The following AGBL1 variants were observed in gnomAD, a reference collection of about 807,000 sequenced individuals.
The protein encoded by AGBL1 is cytosolic carboxypeptidase 4.
Under a neutral mutation model 118.9 loss-of-function variants are expected in AGBL1, and 130 were observed. The observed-to-expected ratio is 1.09, with a 90% CI of 0.95 to 1.26. AGBL1 has a LOEUF of 1.26. Among genes scored for constraint, AGBL1 ranks in the 50% most tolerant of loss-of-function variants. The pLI is 0.00. For missense variants in AGBL1, 1,584 were observed against 1,298.1 expected, an observed-to-expected ratio of 1.22 and a Z score of -3.38; for synonymous variants, 555 against 478.9, an observed-to-expected ratio of 1.16 and a Z score of -2.08.
chr15:86,143,677 C>G (rs772215486), intron 2 of AGBL1, 22 bp from the exon 3 acceptor site: 10 of 1,611,194 alleles, frequency 6.2e-6, no homozygotes, highest in Non-Finnish European at 7.6e-6. Flanking sequence ...TGTGGCTCAT[C>G]TTTCCTCCGG....
chr15:86,978,645 G>C (rs1389041363), intron 23 of AGBL1, among the ~76,000 whole-genome samples: 1 of 152,162 alleles, frequency 6.6e-6, no homozygotes, highest in Admixed American at 6.5e-5. Context: ...TGAACATGTG[G>C]TTACTGAAGC....
At chr15:86,979,782 C>T (rs886734540) in intron 23 of AGBL1, among the ~76,000 whole-genome samples, 4 of 152,126 alleles carry the variant, frequency 2.6e-5, no homozygotes, top group Admixed American at 2.0e-4. Context: ...GGATTACAGG[C>T]GTGAGCCACT....
At chr15:86,449,812 T>A (rs1226746078) in intron 18 of AGBL1, among the ~76,000 whole-genome samples, 1 of 152,150 alleles carries the variant, frequency 6.6e-6, no homozygotes, top group Non-Finnish European at 1.5e-5. Flanking sequence ...GTGGAGTGAC[T>A]GAGGAACGGC....
chr15:86,134,226 T>C (rs760734906), intron 1 of AGBL1, among the ~76,000 whole-genome samples: 1 of 151,958 alleles, frequency 6.6e-6, no homozygotes, highest in Non-Finnish European at 1.5e-5. Flanking sequence ...TCAAATTTAA[T>C]AATGTCTTTT....
intron 21 of AGBL1, among the ~76,000 whole-genome samples, chr15:86,579,165 G>A (rs1475405086): frequency 6.6e-6 from 1 of 152,168 alleles, no homozygotes; most frequent in Non-Finnish European, 1.5e-5. Flanking sequence ...TTATATTGAT[G>A]AAATTTTCAG....
At chr15:86,619,545 A>T (rs943206890) in intron 21 of AGBL1, among the ~76,000 whole-genome samples, 3 of 152,218 alleles carry the variant, frequency 2.0e-5, no homozygotes, top group African/African-American at 7.2e-5. Flanking sequence ...AATCACACTT[A>T]GTGTCTTTCC....
intron 22 of AGBL1, among the ~76,000 whole-genome samples, chr15:86,835,634 C>T (rs1239061781): frequency 6.6e-6 from 1 of 152,022 alleles, no homozygotes; most frequent in African/African-American, 2.4e-5. Flanking sequence ...GACCTGGTCA[C>T]AGGGTGAGGG....
chr15:86,869,309 A>C (rs1440586242), intron 22 of AGBL1, among the ~76,000 whole-genome samples: 2 of 152,112 alleles, frequency 1.3e-5, no homozygotes, highest in Admixed American at 1.3e-4. Flanking sequence ...CCCTGAATGC[A>C]CAATGGCACA....
intron 19 of AGBL1, among the ~76,000 whole-genome samples, chr15:86,527,245 T>G (rs2083280185): frequency 6.6e-6 from 1 of 152,168 alleles, no homozygotes; most frequent in Non-Finnish European, 1.5e-5. Context: ...TAATACACAT[T>G]TAAACACGCA....
intron 21 of AGBL1, among the ~76,000 whole-genome samples, chr15:86,609,926 T>C (rs1344337802): frequency 6.6e-6 from 1 of 152,186 alleles, no homozygotes; most frequent in African/African-American, 2.4e-5. Flanking sequence ...ATCTTAACTT[T>C]AATTGTGCCC....
intron 22 of AGBL1, among the ~76,000 whole-genome samples, chr15:86,723,718 T>C (rs1023331183): frequency 2.0e-5 from 3 of 151,722 alleles, no homozygotes; most frequent in African/African-American, 7.3e-5. Context: ...AGAACTTATA[T>C]ATGGCAAAAA....
rs1157306791 is a variant in AGBL1, at chr15:86,903,075, CTT to C, written c.3159-4010_3159-4009del. Among the ~76,000 whole-genome samples, 3 of 151,854 alleles carry C rather than the reference CTT, an allele frequency of 2.0e-5. No individual in the cohort carries two copies. The East Asian group carries it at 5.8e-4, about 29-fold the overall frequency. On this transcript the variant is annotated intron_variant, in intron 22 of 22. Coordinates refer to ENST00000614907, the MANE Select transcript of AGBL1 (RefSeq NM_001386094.1). ...TAGTCCTACAGGATCTTAATGTTCT[CTT>C]TATTTTTTTTTAAAGTCTATTTTCA...
At chr15:86,147,041 T>A (rs2077042038) in intron 3 of AGBL1, among the ~76,000 whole-genome samples, 1 of 152,214 alleles carries the variant, frequency 6.6e-6, no homozygotes, top group Non-Finnish European at 1.5e-5. Flanking sequence ...TCTTTTTTAA[T>A]GCTTATTTTC....
chr15:86,594,082 T>G (rs77453939), intron 21 of AGBL1, among the ~76,000 whole-genome samples: 3,961 of 152,068 alleles, frequency 0.026, 173 homozygotes, highest in African/African-American at 0.091. Context: ...CCATCACACA[T>G]GTCTGGCTAT....
intron 5 of AGBL1, among the ~76,000 whole-genome samples, chr15:86,196,889 A>AGTG (rs2077820797): frequency 6.9e-6 from 1 of 144,222 alleles, no homozygotes; most frequent in African/African-American, 2.7e-5. Context: ...GCACACACAC[A>AGTG]CACACACACA....
At chr15:86,091,469 G>A (rs973893850) in intron 1 of AGBL1, among the ~76,000 whole-genome samples, 4 of 152,224 alleles carry the variant, frequency 2.6e-5, no homozygotes, top group East Asian at 1.9e-4. Flanking sequence ...GCTGTAACAT[G>A]TTTAGCTATG....
chr15:86,943,504 G>A (rs1413778639), intron 23 of AGBL1, among the ~76,000 whole-genome samples: 1 of 152,186 alleles, frequency 6.6e-6, no homozygotes, highest in African/African-American at 2.4e-5. Flanking sequence ...AGGATGTGGT[G>A]TCTGATTTAC....
At chr15:86,259,548 C>G (rs2078950041) in intron 9 of AGBL1, among the ~76,000 whole-genome samples, 1 of 152,178 alleles carries the variant, frequency 6.6e-6, no homozygotes, top group Admixed American at 6.5e-5. Context: ...ATGATAATCA[C>G]TCACCCTGCT....
At chr15:86,926,851 T>G (rs2080546237) in intron 23 of AGBL1, among the ~76,000 whole-genome samples, 1 of 152,128 alleles carries the variant, frequency 6.6e-6, no homozygotes, top group Admixed American at 6.5e-5. Flanking sequence ...CAATAAAATC[T>G]CCACTCAGGC....
Sources: gnomAD v4.1 joint callset for allele counts (sites outside exome capture counted in the v4.1 genomes callset) on GRCh38, gnomAD v4.1.1 for gene constraint, MANE v1.5 for transcripts, NCBI Gene and HGNC (gene_info 2026-07-23, HGNC 2026-07-21) for gene names.